Variants in CAPRIN2 observed in about 807,000 individuals in gnomAD.
The protein encoded by CAPRIN2 is caprin-2.
Under a neutral mutation model 130.4 loss-of-function variants are expected in CAPRIN2, and 66 were observed. The observed-to-expected ratio is 0.51, with a 90% confidence interval of 0.42 to 0.62. The LOEUF (loss-of-function observed/expected upper bound fraction) is 0.62, where lower values mean the gene tolerates loss of function less well. Among genes scored for constraint, CAPRIN2 ranks in the 20% least tolerant of loss-of-function variants. The pLI, the probability that CAPRIN2 is intolerant of heterozygous loss-of-function variation, is 0.00. For synonymous variants in CAPRIN2, 471 were observed against 444.1 expected (o/e 1.06, Z -0.76); for missense variants, 1,185 against 1,246.6 (o/e 0.95, Z 0.74).
intron 12 of CAPRIN2, 143 bp downstream of exon 13, chr12:30,720,668 A>C (rs1013244572): frequency 5.1e-5 from 29 of 567,772 alleles, no homozygotes; most frequent in Non-Finnish European, 8.2e-5. Flanking sequence ...TAAAAGTTCC[A>C]AGATCACAAT....
intron 3 of CAPRIN2, among the ~76,000 whole-genome samples, chr12:30,739,099 C>T (rs928336680): frequency 1.1e-4 from 16 of 152,154 alleles, no homozygotes; most frequent in African/African-American, 2.2e-4. Context: ...AAGACACAGG[C>T]ATGCATATGT....
chr12:30,728,676 GGCAGCA>G, exon 8 of CAPRIN2: 1 of 1,611,310 alleles, frequency 6.2e-7, no homozygotes, highest in Non-Finnish European at 8.5e-7. Context: ...CAACTTCCTG[GGCAGCA>G]GCTGGTCATT....
intron 9 of CAPRIN2, among the ~76,000 whole-genome samples, 170 bp from the exon 11 acceptor site, chr12:30,724,621 C>T (rs931845266): frequency 6.6e-6 from 1 of 152,076 alleles, no homozygotes; most frequent in Non-Finnish European, 1.5e-5. Context: ...AACTAGTCTC[C>T]ATAGATAAAG....
At chr12:30,712,251 C>T (rs2055151287) in intron 15 of CAPRIN2, among the ~76,000 whole-genome samples, 1 of 151,960 alleles carries the variant, frequency 6.6e-6, no homozygotes, top group African/African-American at 2.4e-5. Flanking sequence ...TTATTATATG[C>T]AATAAAAATT....
chr12:30,754,023 TCAC>T, exon 1 of CAPRIN2: 1 of 414,420 alleles, frequency 2.4e-6, no homozygotes, highest in Middle Eastern at 6.6e-4. Context: ...ACATGATCCC[TCAC>T]CACCAGCCCT....
At chr12:30,711,650 T>A in intron 15 of CAPRIN2, 21 bp from the exon 18 acceptor site, 1 of 1,597,196 alleles carries the variant, frequency 6.3e-7, no homozygotes. Context: ...CATATAATAT[T>A]TACCTTGGCA....
intron 3 of CAPRIN2, 94 bp downstream of exon 4, chr12:30,740,926 A>C: frequency 1.4e-6 from 1 of 712,490 alleles, no homozygotes. Flanking sequence ...AAGAATAATA[A>C]CCAAACACCA....
chr12:30,751,623 C>T (rs1209251514), intron 1 of CAPRIN2: 1 of 167,434 alleles, frequency 6.0e-6, no homozygotes, highest in Non-Finnish European at 1.3e-5. Context: ...CAGCCCTTTA[C>T]AACGAAGAAT....
chr12:30,719,193 T>C, intron 12 of CAPRIN2: 1 of 1,614,030 alleles, frequency 6.2e-7, no homozygotes, highest in Non-Finnish European at 8.5e-7. Context: ...GAGAAGCTAG[T>C]GAAGACGGTT....
At chr12:30,723,918 GC>G (rs2060155435) in intron 10 of CAPRIN2, among the ~76,000 whole-genome samples, 1 of 152,192 alleles carries the variant, frequency 6.6e-6, no homozygotes, top group Admixed American at 6.5e-5. Flanking sequence ...CAAATGTGGA[GC>G]AAAAAGCCCA....
chr12:30,724,329 G>C, intron 10 of CAPRIN2, 41 bp downstream of exon 11: 1 of 1,184,540 alleles, frequency 8.4e-7, no homozygotes, highest in Non-Finnish European at 1.3e-6. Flanking sequence ...ATAGCTGTTA[G>C]CTCAAGACGT....
intron 5 of CAPRIN2, among the ~76,000 whole-genome samples, chr12:30,733,213 AC>A (rs1166291288): frequency 6.6e-6 from 1 of 152,146 alleles, no homozygotes; most frequent in Non-Finnish European, 1.5e-5. Context: ...TCAATAGACA[AC>A]GTTTCAATAG....
At chr12:30,731,459 T>C in exon 6 of CAPRIN2, 1 of 1,613,116 alleles carries the variant, frequency 6.2e-7, no homozygotes, top group South Asian at 1.1e-5. Flanking sequence ...TGGGATACTT[T>C]CAAAATAGCC....
chr12:30,718,969 A>C (rs1007643746), intron 12 of CAPRIN2, 110 bp downstream of exon 14: 10 of 1,252,240 alleles, frequency 8.0e-6, no homozygotes, highest in East Asian at 7.3e-5. Flanking sequence ...AACCCAAATA[A>C]ATTTTACAAA....
intron 6 of CAPRIN2, 21 bp downstream of exon 7, chr12:30,731,321 AT>A (rs754338659): frequency 3.2e-5 from 52 of 1,602,738 alleles, no homozygotes; most frequent in Non-Finnish European, 4.3e-5. Flanking sequence ...CACTATAAGG[AT>A]TTTCAGAGGT....
At chr12:30,748,614 T>C (rs1424626615) in intron 2 of CAPRIN2, among the ~76,000 whole-genome samples, 2 of 152,202 alleles carry the variant, frequency 1.3e-5, no homozygotes. Context: ...ACAGAACCCA[T>C]AATATCTCTG....
exon 13 of CAPRIN2, chr12:30,716,522 T>C (rs763706404): frequency 1.2e-6 from 2 of 1,613,824 alleles, no homozygotes; most frequent in East Asian, 2.2e-5. Context: ...CTCTTGAGAA[T>C]GGACAGTTTG....
exon 1 of CAPRIN2, chr12:30,753,879 C>A: frequency 1.0e-6 from 1 of 963,642 alleles, no homozygotes; most frequent in Non-Finnish European, 1.5e-6. Context: ...GGAGGAAGAA[C>A]TGCAACGGCT....
At position 30,724,459 on chromosome 12, in the gene CAPRIN2, T is replaced by C; in HGVS notation, c.1906-8A>G. On this transcript the variant is annotated splice_region_variant and splice_polypyrimidine_tract_variant and intron_variant, in intron 9 of 16. Coordinates refer to ENST00000298892, the Ensembl canonical transcript of CAPRIN2. ...AAAGTCAAGAACAGACTCCTAAAGA[T>C]ATGATTTTAAATAAAGAGTGGAAAC... is the stretch of plus-strand genomic sequence containing the variant. The C allele has an allele frequency of 3.8e-6, 6 of 1,571,006 alleles. No homozygotes were observed. The highest frequency in any genetic ancestry group is 5.3e-6 in the Non-Finnish European group (6 of 1,140,900).
Sources: allele counts gnomAD v4.1 joint callset (sites outside exome capture counted in the v4.1 genomes callset), GRCh38; gene constraint gnomAD v4.1.1; transcripts MANE v1.5; gene names NCBI Gene and HGNC (gene_info 2026-07-23, HGNC 2026-07-21).